TAS2R1: variants seen among roughly 807,000 people sequenced by gnomAD.
The protein encoded by TAS2R1 is taste 2 receptor member 1, also known as taste receptor type 2 member 1.
For missense variants in TAS2R1, 370 were observed against 353.4 expected, an observed-to-expected ratio of 1.05 and a Z score of -0.38; for synonymous variants, 141 against 134.2, an observed-to-expected ratio of 1.05 and a Z score of -0.35.
chr5:9,719,938 ACAAAAAC>A, the TAS2R1 span, among the ~76,000 whole-genome samples: 5 of 127,992 alleles, frequency 3.9e-5, no homozygotes, highest in African/African-American at 1.2e-4. Flanking sequence ...AAAAAAAAAA[ACAAAAAC>A]AAAAACAAAC....
the TAS2R1 span, among the ~76,000 whole-genome samples, chr5:9,724,533 G>C: frequency 6.6e-6 from 1 of 152,024 alleles, no homozygotes; most frequent in African/African-American, 2.4e-5. Context: ...TGCAAATGTA[G>C]TCTTTATGTT....
At chr5:9,648,886 AC>A (rs372026144) in intron 2 of TAS2R1, among the ~76,000 whole-genome samples, 1 of 152,252 alleles carries the variant, frequency 6.6e-6, no homozygotes, top group African/African-American at 2.4e-5. Flanking sequence ...TCTGTCTCCA[AC>A]TTTTCTCATC....
chr5:9,776,958 G>A, the TAS2R1 span, among the ~76,000 whole-genome samples: 1 of 152,212 alleles, frequency 6.6e-6, no homozygotes, highest in Non-Finnish European at 1.5e-5. Context: ...AATAACATAT[G>A]TTTAAAAAAT....
chr5:9,784,041 T>C, the TAS2R1 span, among the ~76,000 whole-genome samples: 1 of 152,204 alleles, frequency 6.6e-6, no homozygotes, highest in African/African-American at 2.4e-5. Context: ...ATGAGAACAC[T>C]ACCTAGGGCA....
At chr5:9,724,344 C>CTTTTT in the TAS2R1 span, among the ~76,000 whole-genome samples, 6 of 124,662 alleles carry the variant, frequency 4.8e-5, no homozygotes, top group East Asian at 2.4e-4. Context: ...ATGTTTCTTT[C>CTTTTT]TTTTTTTTTT....
At chr5:9,704,788 G>A (rs1741566404) in intron 1 of TAS2R1, among the ~76,000 whole-genome samples, 1 of 152,176 alleles carries the variant, frequency 6.6e-6, no homozygotes, top group Non-Finnish European at 1.5e-5. Flanking sequence ...AAGAGAGTTG[G>A]AAAACAGACA....
intron 1 of TAS2R1, among the ~76,000 whole-genome samples, chr5:9,669,070 C>T (rs930651117): frequency 1.3e-5 from 2 of 152,032 alleles, no homozygotes; most frequent in Non-Finnish European, 2.9e-5. Context: ...TAGAGAAACA[C>T]TGGCAAAGCA....
chr5:9,725,677 C>A, the TAS2R1 span, among the ~76,000 whole-genome samples: 1 of 149,136 alleles, frequency 6.7e-6, no homozygotes, highest in African/African-American at 2.6e-5. Flanking sequence ...TCCACGGCGC[C>A]CAGCCCCACC....
At chr5:9,863,772 C>T in the TAS2R1 span, among the ~76,000 whole-genome samples, 1 of 152,182 alleles carries the variant, frequency 6.6e-6, no homozygotes, top group Non-Finnish European at 1.5e-5. Flanking sequence ...AAACAGTAAT[C>T]TTTTGTATTG....
the TAS2R1 span, among the ~76,000 whole-genome samples, chr5:9,845,522 T>C: frequency 6.6e-6 from 1 of 152,178 alleles, no homozygotes; most frequent in African/African-American, 2.4e-5. Flanking sequence ...AGTCATTCAA[T>C]GTGTCTTAGT....
chr5:9,804,149 A>G, the TAS2R1 span, among the ~76,000 whole-genome samples: 1 of 152,184 alleles, frequency 6.6e-6, no homozygotes, highest in Non-Finnish European at 1.5e-5. Flanking sequence ...ACAAAGAGGG[A>G]CATTATATAA....
intron 1 of TAS2R1, among the ~76,000 whole-genome samples, chr5:9,687,262 G>T (rs1579783791): frequency 6.6e-6 from 1 of 152,138 alleles, no homozygotes; most frequent in African/African-American, 2.4e-5. Flanking sequence ...GAGCTACCGC[G>T]CCCAGCTGTC....
At chr5:9,725,788 C>T in the TAS2R1 span, among the ~76,000 whole-genome samples, 1 of 152,236 alleles carries the variant, frequency 6.6e-6, no homozygotes, top group Non-Finnish European at 1.5e-5. Context: ...GCCAGCTGGG[C>T]TCCTGCGTCT....
chr5:9,734,502 A>T, the TAS2R1 span, among the ~76,000 whole-genome samples: 1 of 142,874 alleles, frequency 7.0e-6, no homozygotes, highest in Non-Finnish European at 1.5e-5. Flanking sequence ...GAAACTGTAC[A>T]AGAGGTTTTT....
chr5:9,719,930 A>C, the TAS2R1 span, among the ~76,000 whole-genome samples: 13 of 139,596 alleles, frequency 9.3e-5, no homozygotes, highest in South Asian at 2.3e-4. Context: ...AAAAAAAAAA[A>C]AAAAAAAACA....
chr5:9,694,224 A>C (rs963435010), intron 1 of TAS2R1, among the ~76,000 whole-genome samples: 4 of 152,226 alleles, frequency 2.6e-5, no homozygotes, highest in African/African-American at 9.6e-5. Context: ...ATAAGAAAGC[A>C]GACGACAAAT....
At chr5:9,859,785 C>T in the TAS2R1 span, among the ~76,000 whole-genome samples, 1 of 152,198 alleles carries the variant, frequency 6.6e-6, no homozygotes, top group East Asian at 1.9e-4. Flanking sequence ...GTTTGGAAGA[C>T]AGCCCCTGAG....
chr5:9,869,084 C>T, the TAS2R1 span, among the ~76,000 whole-genome samples: 1 of 152,052 alleles, frequency 6.6e-6, no homozygotes, highest in Non-Finnish European at 1.5e-5. Flanking sequence ...CCAAACTTTC[C>T]CACATTTTCC....
the TAS2R1 span, among the ~76,000 whole-genome samples, chr5:9,759,635 G>A: frequency 3.2e-4 from 49 of 152,280 alleles, no homozygotes; most frequent in South Asian, 9.9e-3. Context: ...AGTTTTTCTG[G>A]TAAGTGGTAC....
Sources: gnomAD v4.1 joint callset for allele counts (sites outside exome capture counted in the v4.1 genomes callset) on GRCh38, gnomAD v4.1.1 for gene constraint, MANE v1.5 for transcripts, NCBI Gene and HGNC (gene_info 2026-07-23, HGNC 2026-07-21) for gene names.